Variants in ATP8A1 observed in about 807,000 individuals in gnomAD.
ATP8A1 encodes ATPase phospholipid transporting 8A1.
A neutral mutation model predicts 177.7 loss-of-function variants in ATP8A1; 90 were observed. The observed-to-expected ratio is 0.51, with a 90% CI of 0.43 to 0.60. The LOEUF is 0.60. ATP8A1 is among the 20% of genes least tolerant of loss of function. ATP8A1 has a pLI of 0.00. For synonymous variants in ATP8A1, 493 were observed against 485.9 expected (o/e 1.01, Z -0.19); for missense variants, 1,072 against 1,392.8 (o/e 0.77, Z 3.67).
Position 42,496,186 on chromosome 4 carries a change from C to T in ATP8A1, c.2151+7264G>A, listed in dbSNP as rs540743828. On this transcript the variant is annotated intron_variant, in intron 24 of 36. Coordinates refer to ENST00000381668, the MANE Select transcript of ATP8A1 (RefSeq NM_006095.2). The stretch of plus-strand genomic sequence containing the variant: ...AGAGAGAGGCAGCAAAGTGCTGAAT[C>T]TGTGTCCAGTCTGTGTTTCAGCACG... Among the ~76,000 whole-genome samples the T allele has an allele frequency of 1.6e-4, 25 of 152,308 alleles. No homozygotes were observed. The South Asian group carries it at 5.2e-3, about 32-fold the overall frequency.
intron 35 of ATP8A1, among the ~76,000 whole-genome samples, chr4:42,419,822 T>C (rs539669556): frequency 1.9e-4 from 29 of 152,238 alleles, no homozygotes; most frequent in African/African-American, 7.0e-4. Context: ...GCCAACATAG[T>C]GAAACCCCGT....
At chr4:42,618,503 T>C (rs1737134435) in intron 4 of ATP8A1, among the ~76,000 whole-genome samples, 1 of 152,210 alleles carries the variant, frequency 6.6e-6, no homozygotes, top group African/African-American at 2.4e-5. Context: ...CAAGACCTGG[T>C]ACTTGTCTCA....
intron 24 of ATP8A1, 64 bp downstream of exon 24, chr4:42,503,386 A>G: frequency 2.1e-6 from 2 of 951,954 alleles, no homozygotes; most frequent in Non-Finnish European, 3.2e-6. Context: ...AGCTATCTGA[A>G]TATAAAATAC....
intron 33 of ATP8A1, among the ~76,000 whole-genome samples, chr4:42,431,370 T>C (rs2153170712): frequency 6.6e-6 from 1 of 152,248 alleles, no homozygotes; most frequent in Non-Finnish European, 1.5e-5. Flanking sequence ...GGCTCACAAA[T>C]TGGGAAGAAC....
chr4:42,552,217 C>T (rs559521365), intron 17 of ATP8A1, among the ~76,000 whole-genome samples: 2 of 151,966 alleles, frequency 1.3e-5, no homozygotes, highest in South Asian at 4.2e-4. Flanking sequence ...TATAAAGAAG[C>T]GAAAAATTAT....
At chr4:42,572,356 G>A (rs12502828) in intron 14 of ATP8A1, among the ~76,000 whole-genome samples, 49,153 of 152,112 alleles carry the variant, frequency 0.32, 9,153 homozygotes, top group East Asian at 0.56. Flanking sequence ...AAAAGTGCTA[G>A]ACAGTAATTA....
intron 20 of ATP8A1, among the ~76,000 whole-genome samples, chr4:42,527,786 C>A (rs944589560): frequency 6.6e-6 from 1 of 152,098 alleles, no homozygotes; most frequent in Non-Finnish European, 1.5e-5. Flanking sequence ...GTTACAAAAA[C>A]AGAGAATCAC....
chr4:42,640,015 T>C (rs1443902119), intron 1 of ATP8A1, among the ~76,000 whole-genome samples: 1 of 152,214 alleles, frequency 6.6e-6, no homozygotes, highest in Non-Finnish European at 1.5e-5. Flanking sequence ...CTCTATGGAA[T>C]TTTTTCTGAA....
At chr4:42,656,165 T>TG (rs1395958398) in intron 1 of ATP8A1, among the ~76,000 whole-genome samples, 2 of 152,188 alleles carry the variant, frequency 1.3e-5, no homozygotes, top group African/African-American at 4.8e-5. Flanking sequence ...ATTCAAGAGC[T>TG]GGCCCCAGGT....
chr4:42,464,917 AT>A lies in ATP8A1; in HGVS notation c.2483del (p.Asn828IlefsTer7). 6.2e-7 allele frequency: 1 copy of A among 1,614,216 alleles called. No individual in the cohort carries two copies. Among genetic ancestry groups the A allele is most frequent in the Non-Finnish European group, 8.5e-7 (1 of 1,180,028 alleles). On this transcript the variant is annotated frameshift_variant, in exon 26 of 37. Coordinates refer to ENST00000381668, the MANE Select transcript of ATP8A1 (RefSeq NM_006095.2). LOFTEE classifies it high-confidence loss of function. ...CCTGAGCTATGGAGTAGTCAGAGGA[AT>A]TAGCTGCCTGCAGGCCTTCATTGCC... ...ISGNEGLQAA[N>X]SSDYSIAQFK...
chr4:42,489,959 G>C (rs1244492983), intron 24 of ATP8A1, among the ~76,000 whole-genome samples: 1 of 152,112 alleles, frequency 6.6e-6, no homozygotes. Flanking sequence ...CTATTTCCTT[G>C]TTCTGCATAT....
At chr4:42,553,695 A>G (rs998238060) in intron 16 of ATP8A1, among the ~76,000 whole-genome samples, 5 of 152,214 alleles carry the variant, frequency 3.3e-5, no homozygotes, top group African/African-American at 1.2e-4. Flanking sequence ...TGTTCAAGCT[A>G]GAACAGTGGA....
At chr4:42,460,652 G>C (rs1226927109) in intron 27 of ATP8A1, among the ~76,000 whole-genome samples, 2 of 152,194 alleles carry the variant, frequency 1.3e-5, no homozygotes, top group East Asian at 3.8e-4. Flanking sequence ...CTCCCAAAGT[G>C]CTGGGATTAC....
chr4:42,628,034 C>CAGG (rs1738299208), intron 1 of ATP8A1, among the ~76,000 whole-genome samples: 1 of 152,136 alleles, frequency 6.6e-6, no homozygotes. Context: ...TTGTTGCTGC[C>CAGG]TGAGTCAGGT....
chr4:42,512,476 G>A (rs1725102902), intron 22 of ATP8A1, among the ~76,000 whole-genome samples: 3 of 152,138 alleles, frequency 2.0e-5, no homozygotes, highest in Admixed American at 2.0e-4. Context: ...TATACTCCAA[G>A]CAGGTGCTTC....
At chr4:42,494,129 A>G (rs1459600143) in intron 24 of ATP8A1, among the ~76,000 whole-genome samples, 3 of 125,432 alleles carry the variant, frequency 2.4e-5, no homozygotes, top group Non-Finnish European at 4.8e-5. Flanking sequence ...TGAACCCAGG[A>G]GGCAGAGGTT....
intron 1 of ATP8A1, among the ~76,000 whole-genome samples, chr4:42,647,236 C>A (rs1033407770): frequency 1.3e-5 from 2 of 152,180 alleles, no homozygotes; most frequent in African/African-American, 4.8e-5. Context: ...GTATTTCTAA[C>A]AAGCTTACTT....
chr4:42,637,127 C>A (rs1193252987), intron 1 of ATP8A1: 1 of 518,856 alleles, frequency 1.9e-6, no homozygotes, highest in Non-Finnish European at 3.8e-6. Flanking sequence ...AGAAGCTAAG[C>A]CCTGTTCCCT....
At chr4:42,505,396 A>G (rs1220063805) in intron 23 of ATP8A1, among the ~76,000 whole-genome samples, 1 of 151,876 alleles carries the variant, frequency 6.6e-6, no homozygotes. Context: ...ACATTTTCCT[A>G]TTTTCCACAT....
Sources: gnomAD v4.1 joint callset for allele counts (sites outside exome capture counted in the v4.1 genomes callset) on GRCh38, gnomAD v4.1.1 for gene constraint, MANE v1.5 for transcripts, NCBI Gene and HGNC (gene_info 2026-07-23, HGNC 2026-07-21) for gene names.